The following JCAD variants were observed in gnomAD, a reference collection of about 807,000 sequenced individuals.
The protein encoded by JCAD is junctional cadherin 5-associated protein.
A neutral mutation model predicts 98.0 loss-of-function variants in JCAD; 40 were observed. The observed-to-expected ratio is 0.41, with a 90% CI of 0.32 to 0.53. The LOEUF (loss-of-function observed/expected upper bound fraction) is 0.53, where lower values mean the gene tolerates loss of function less well. Ranked by LOEUF, JCAD falls within the 20% of genes least tolerant of loss-of-function variation. The probability of loss-of-function intolerance (pLI) is 0.31; values close to 1 mark genes in which losing one functional copy is unlikely to be tolerated. For missense variants in JCAD, 1,705 were observed against 1,738.1 expected (o/e 0.98, Z 0.34); for synonymous variants, 691 against 682.3 (o/e 1.01, Z -0.20).
Position 30,026,169 on chromosome 10 carries a change from T to G in JCAD, c.3979A>C (p.Arg1327=), listed in dbSNP as rs903924384. The change falls in exon 3 of 4, where the codon AGG becomes CGG. Residue 1327 remains arginine (R), a synonymous_variant. Coordinates refer to ENST00000375377, the MANE Select transcript of JCAD (RefSeq NM_020848.4). ...SLSVSKDSIS[R]EEKEHPAAQK... is the part of the protein sequence containing the mutation. ...GCTGCCGGATGCTCCTTCTCTTCCC[T>G]GGAGATGCTGTCCTTGGACACAGAG... 1.2e-6 allele frequency: 2 copies of G among 1,614,100 alleles called. No homozygotes were observed. Among genetic ancestry groups the G allele is most frequent in the Non-Finnish European group, 1.7e-6 (2 of 1,180,054 alleles).
intron 3 of JCAD, among the ~76,000 whole-genome samples, chr10:30,018,566 A>G (rs1176297410): frequency 2.0e-5 from 3 of 152,160 alleles, no homozygotes; most frequent in Non-Finnish European, 4.4e-5. Context: ...ACTGCCGTCA[A>G]TGGAAAAATC....
At chr10:30,063,016 A>G (rs185503820), upstream of JCAD, among the ~76,000 whole-genome samples, 22 of 152,326 alleles carry the variant, frequency 1.4e-4, no homozygotes, top group Non-Finnish European at 2.4e-4. Flanking sequence ...TCACCAGTAC[A>G]TGGACAAGGG....
intron 1 of JCAD, among the ~76,000 whole-genome samples, chr10:30,092,105 TATATATATATATATATATATAA>T (rs1838290823): frequency 6.0e-5 from 6 of 100,652 alleles, no homozygotes; most frequent in South Asian, 6.5e-4. Context: ...ACTTTATATA[TATATATATATATATATATATAA>T]AAAACATTTT....
intron 1 of JCAD, among the ~76,000 whole-genome samples, chr10:30,078,672 G>A (rs1442523111): frequency 1.3e-5 from 2 of 152,010 alleles, no homozygotes; most frequent in Admixed American, 6.5e-5. Context: ...ATCAGCTAAT[G>A]GCAACAGGTC....
rs16930980 is a variant in JCAD at position 30,070,491 on chromosome 10, C to T, written n.129-670G>A. Among the ~76,000 whole-genome samples the T allele has an allele frequency of 2.8e-3, 432 of 152,320 alleles. 4 individuals are homozygous for T. The highest frequency in any genetic ancestry group is 0.011 in the Admixed American group (166 of 15,296). On this transcript the variant is annotated intron_variant and non_coding_transcript_variant, in intron 1 of 2. Coordinates refer to the JCAD transcript ENST00000465712. ...CCATTTTCAAGTCAGCAGGGAACTA[C>T]GTGCACTTTTTAGTTTTCGCAAATT...
In JCAD at chr10:30,084,288, T is replaced by C. The variant is rs534354773; in HGVS notation, n.129-14467A>G. Among the ~76,000 whole-genome samples the C allele has an allele frequency of 5.3e-5, 8 of 152,298 alleles. No individual in the cohort carries two copies. The South Asian group carries it at 1.7e-3, about 32-fold the overall frequency. ...TTATAGAATCTGAAAACTTCACTATTATTCAAGAAGTGAGAAAGATAAATT... is the reference window on the plus strand; with the variant it reads ...TTATAGAATCTGAAAACTTCACTATCATTCAAGAAGTGAGAAAGATAAATT... On this transcript the variant is annotated intron_variant and non_coding_transcript_variant, in intron 1 of 2. Transcript: ENST00000465712.
At chr10:30,076,344 C>G (rs1272420154) in intron 1 of JCAD, among the ~76,000 whole-genome samples, 2 of 152,106 alleles carry the variant, frequency 1.3e-5, no homozygotes, top group Non-Finnish European at 2.9e-5. Context: ...ACTTTTTGAG[C>G]ATTTAGTACC....
At chr10:30,112,087 AACAAAATGTGATATATACAC>A (rs1838711551) in intron 1 of JCAD, among the ~76,000 whole-genome samples, 1 of 152,220 alleles carries the variant, frequency 6.6e-6, no homozygotes, top group African/African-American at 2.4e-5. Context: ...ATAAAGCATA[AACAAAATGTGATATATACAC>A]ACAATGGACT....
chr10:30,093,613 G>A (rs981056981), intron 1 of JCAD, among the ~76,000 whole-genome samples: 4 of 152,172 alleles, frequency 2.6e-5, no homozygotes, highest in Non-Finnish European at 5.9e-5. Context: ...TATGTCCTGA[G>A]CTCTAGCCCC....
At chr10:30,067,796 A>G (rs1460786303) in intron 2 of JCAD, among the ~76,000 whole-genome samples, 1 of 152,172 alleles carries the variant, frequency 6.6e-6, no homozygotes, top group Non-Finnish European at 1.5e-5. Context: ...TTGTGTTGTT[A>G]GGTGATTTCA....
At chr10:30,082,895 G>A (rs1453749590) in intron 1 of JCAD, among the ~76,000 whole-genome samples, 2 of 149,074 alleles carry the variant, frequency 1.3e-5, no homozygotes, top group Admixed American at 6.7e-5. Flanking sequence ...TTAGCTGGGT[G>A]TGGTGGCATG....
intron 1 of JCAD, among the ~76,000 whole-genome samples, chr10:30,089,187 C>T (rs2132692815): frequency 6.6e-6 from 1 of 152,176 alleles, no homozygotes; most frequent in South Asian, 2.1e-4. Context: ...TTCAATTTCC[C>T]ACTATGCATC....
At chr10:30,100,822 G>A (rs1838459499) in intron 1 of JCAD, among the ~76,000 whole-genome samples, 1 of 152,224 alleles carries the variant, frequency 6.6e-6, no homozygotes, top group Non-Finnish European at 1.5e-5. Flanking sequence ...GCCCAAGGTA[G>A]TCAGGGTGCA....
intron 1 of JCAD, among the ~76,000 whole-genome samples, chr10:30,096,562 A>G (rs1253335097): frequency 2.0e-5 from 3 of 151,216 alleles, no homozygotes; most frequent in Non-Finnish European, 4.4e-5. Flanking sequence ...GTATCTTCTT[A>G]TTTGCTATTC....
At chr10:30,093,772 A>G (rs1165966137) in intron 1 of JCAD, among the ~76,000 whole-genome samples, 1 of 152,226 alleles carries the variant, frequency 6.6e-6, no homozygotes, top group Non-Finnish European at 1.5e-5. Flanking sequence ...CTTTTGCAAG[A>G]GAGTCACGGG....
At chr10:30,080,279 C>T (rs984958191) in intron 1 of JCAD, among the ~76,000 whole-genome samples, 1 of 152,170 alleles carries the variant, frequency 6.6e-6, no homozygotes, top group African/African-American at 2.4e-5. Context: ...TCCTTCCCAT[C>T]TTCAAACAGC....
intron 1 of JCAD, among the ~76,000 whole-genome samples, chr10:30,051,278 ACG>A (rs770151502): frequency 1.3e-4 from 12 of 91,852 alleles, no homozygotes; most frequent in African/African-American, 2.4e-4. Context: ...GCACGCACAC[ACG>A]CACGCACACA....
At chr10:30,078,010 C>G (rs1201712110) in intron 1 of JCAD, among the ~76,000 whole-genome samples, 1 of 152,188 alleles carries the variant, frequency 6.6e-6, no homozygotes, top group Non-Finnish European at 1.5e-5. Context: ...AAGGACTGTA[C>G]CATTTCACAT....
rs979820426 is a variant in JCAD, at chr10:30,024,789, A to G, written c.4045+1314T>C. Among the ~76,000 whole-genome samples, 139 of 139,930 alleles carry G rather than the reference A, an allele frequency of 9.9e-4. 2 individuals are homozygous for G. Among genetic ancestry groups the G allele is most frequent in the Non-Finnish European group, 1.7e-3 (114 of 66,638 alleles). The allele number at this position is 139,930 out of a possible 152,430, so 91.8% of individuals were successfully genotyped here. ...CGGCTCACCACAAGCTCCGCCTCCC[A>G]GGTTCACGCCATTCTCCTGCCTCAG... On this transcript the variant is annotated intron_variant, in intron 3 of 3. Transcript: ENST00000375377.
Sources: gnomAD v4.1 joint callset for allele counts (sites outside exome capture counted in the v4.1 genomes callset) on GRCh38, gnomAD v4.1.1 for gene constraint, MANE v1.5 for transcripts, NCBI Gene and HGNC (gene_info 2026-07-23, HGNC 2026-07-21) for gene names.